The following EPB41L4B variants were observed in gnomAD, a reference collection of about 807,000 sequenced individuals.
The protein encoded by EPB41L4B is band 4.1-like protein 4B.
Under a neutral mutation model 112.5 loss-of-function variants are expected in EPB41L4B, and 30 were observed. That is an observed-to-expected ratio of 0.27 (90% CI 0.20 to 0.36). The LOEUF (loss-of-function observed/expected upper bound fraction) is 0.36, where lower values mean the gene tolerates loss of function less well. Ranked by LOEUF, EPB41L4B falls within the 10% of genes least tolerant of loss-of-function variation. EPB41L4B has a pLI of 1.00. For synonymous variants in EPB41L4B, 408 were observed against 439.7 expected, an observed-to-expected ratio of 0.93 and a Z score of 0.90; for missense variants, 1,024 against 1,133.3, an observed-to-expected ratio of 0.90 and a Z score of 1.38.
intron 19 of EPB41L4B, among the ~76,000 whole-genome samples, chr9:109,201,539 G>A (rs1832833382): frequency 6.6e-6 from 1 of 151,948 alleles, no homozygotes; most frequent in Non-Finnish European, 1.5e-5. Context: ...CTATACTCAT[G>A]GTTTCCTCAA....
intron 1 of EPB41L4B, among the ~76,000 whole-genome samples, chr9:109,310,392 T>C (rs1266128439): frequency 6.6e-6 from 1 of 152,104 alleles, no homozygotes; most frequent in African/African-American, 2.4e-5. Context: ...GTGGGGACTT[T>C]CACAGCATTG....
At chr9:109,235,391 T>A (rs1834103366) in intron 15 of EPB41L4B, among the ~76,000 whole-genome samples, 3 of 44,432 alleles carry the variant, frequency 6.8e-5, no homozygotes, top group Non-Finnish European at 1.6e-4. Context: ...TCAGCTAGAC[T>A]TTTTTTTTTT....
chr9:109,319,279 G>A (rs377058930), intron 1 of EPB41L4B, among the ~76,000 whole-genome samples: 1 of 152,174 alleles, frequency 6.6e-6, no homozygotes, highest in Non-Finnish European at 1.5e-5. Context: ...CAGCTGGCGC[G>A]GGGCGGGGGT....
Position 109,268,382 on chromosome 9 carries a change from C to T in EPB41L4B, c.454+9G>A. ...AAATAAATGAGTGAGCTAAATTCTG[C>T]TTACTTACTTTTCATCTGCTTTTTT... On this transcript the variant is annotated intron_variant, in intron 3 of 25. Transcript: ENST00000374566. 6.2e-7 allele frequency: 1 copy of T among 1,610,768 alleles called. No individual in the cohort carries two copies. Among genetic ancestry groups the T allele is most frequent in the Non-Finnish European group, 8.5e-7 (1 of 1,179,016 alleles).
chr9:109,207,343 G>A (rs139644254), intron 18 of EPB41L4B, among the ~76,000 whole-genome samples: 10 of 152,260 alleles, frequency 6.6e-5, no homozygotes, highest in Admixed American at 1.3e-4. Context: ...GCTGAGGCGC[G>A]AGGATTGCTT....
chr9:109,256,856 C>G (rs954876393), intron 7 of EPB41L4B, among the ~76,000 whole-genome samples: 1 of 152,158 alleles, frequency 6.6e-6, no homozygotes, highest in African/African-American at 2.4e-5. Context: ...GAAGGAGAAT[C>G]ACTTAAACCT....
At position 109,265,065 on chromosome 9, in the gene EPB41L4B, C is replaced by A; in HGVS notation, c.534-41G>T. On this transcript the variant is annotated intron_variant, in intron 4 of 25. Coordinates refer to ENST00000374566, the MANE Select transcript of EPB41L4B (RefSeq NM_019114.5). ...AAAAGTCAACAGAGGGTAACTCTTT[C>A]CCAGCTGCTCCCAATCCCCAGCTTC... 1.9e-6 allele frequency: 3 copies of A among 1,542,104 alleles called. No homozygotes were observed. The South Asian group carries it at 3.6e-5, about 19-fold the overall frequency.
intron 1 of EPB41L4B, among the ~76,000 whole-genome samples, chr9:109,317,177 A>C (rs946037838): frequency 2.6e-5 from 4 of 152,186 alleles, no homozygotes; most frequent in African/African-American, 9.7e-5. Context: ...AGGGGGCTCC[A>C]AGCCCTGTCA....
intron 5 of EPB41L4B, among the ~76,000 whole-genome samples, chr9:109,263,335 A>G (rs991524238): frequency 2.0e-5 from 3 of 152,242 alleles, no homozygotes; most frequent in African/African-American, 7.2e-5. Flanking sequence ...GTTTCTATCA[A>G]TCGTGTACAA....
At chr9:109,193,217 C>CACTAAGCAG (rs1386406150) in intron 21 of EPB41L4B, among the ~76,000 whole-genome samples, 2 of 152,202 alleles carry the variant, frequency 1.3e-5, no homozygotes, top group East Asian at 3.9e-4. Flanking sequence ...CTGTGCAGAA[C>CACTAAGCAG]ACTAAGCAGA....
intron 13 of EPB41L4B, among the ~76,000 whole-genome samples, chr9:109,249,616 TA>T (rs1385462287): frequency 6.6e-6 from 1 of 151,618 alleles, no homozygotes; most frequent in Non-Finnish European, 1.5e-5. Context: ...ATCACTACCT[TA>T]GAGAGCAAAG....
intron 1 of EPB41L4B, among the ~76,000 whole-genome samples, chr9:109,288,838 C>T (rs1211686651): frequency 6.8e-6 from 1 of 147,170 alleles, no homozygotes; most frequent in African/African-American, 2.5e-5. Context: ...GAGGTTGAGG[C>T]TGCAGTCAGC....
At chr9:109,226,999 T>C (rs1045602303) in intron 15 of EPB41L4B, among the ~76,000 whole-genome samples, 13 of 151,708 alleles carry the variant, frequency 8.6e-5, no homozygotes, top group Middle Eastern at 6.8e-3. Flanking sequence ...CTACCACACC[T>C]GGCTAATTTT....
At chr9:109,317,025 C>A (rs766055503) in intron 1 of EPB41L4B, among the ~76,000 whole-genome samples, 12 of 152,018 alleles carry the variant, frequency 7.9e-5, no homozygotes, top group Non-Finnish European at 1.6e-4. Flanking sequence ...GGATTGCTTG[C>A]GGCTAGGAGA....
At chr9:109,256,357 G>T (rs1240053960) in intron 8 of EPB41L4B, 36 bp downstream of exon 8, 1 of 1,605,462 alleles carries the variant, frequency 6.2e-7, no homozygotes, top group Non-Finnish European at 8.5e-7. Context: ...TTCAGTAACA[G>T]CAAAACCAAA....
At chr9:109,275,510 C>A (rs1835780683) in intron 2 of EPB41L4B, among the ~76,000 whole-genome samples, 1 of 152,162 alleles carries the variant, frequency 6.6e-6, no homozygotes, top group African/African-American at 2.4e-5. Flanking sequence ...AGGTTTCTCC[C>A]ACAGGCAAGG....
intron 13 of EPB41L4B, among the ~76,000 whole-genome samples, chr9:109,250,444 C>T (rs913917770): frequency 6.6e-6 from 1 of 152,180 alleles, no homozygotes; most frequent in Admixed American, 6.5e-5. Flanking sequence ...TTGAGACCTG[C>T]GCCTGGGATG....
intron 14 of EPB41L4B, 29 bp from the exon 15 acceptor site, chr9:109,243,711 T>C: frequency 6.2e-7 from 1 of 1,606,928 alleles, no homozygotes; most frequent in Non-Finnish European, 8.5e-7. Flanking sequence ...ACTTGATTAT[T>C]TGATGACCTT....
At chr9:109,187,731 CA>C (rs1588121400) in intron 22 of EPB41L4B, among the ~76,000 whole-genome samples, 1 of 152,312 alleles carries the variant, frequency 6.6e-6, no homozygotes, top group East Asian at 1.9e-4. Flanking sequence ...AAAGCTGGCA[CA>C]AATGACCAAG....
Sources: allele counts gnomAD v4.1 joint callset (sites outside exome capture counted in the v4.1 genomes callset), GRCh38; gene constraint gnomAD v4.1.1; transcripts MANE v1.5; gene names NCBI Gene and HGNC (gene_info 2026-07-23, HGNC 2026-07-21).